ARFGAP1: variants seen among roughly 807,000 people sequenced by gnomAD.
ARFGAP1 encodes the protein ADP-ribosylation factor GTPase-activating protein 1.
ARFGAP1 carries 26 observed loss-of-function variants against 54.0 expected under a neutral mutation model. The ratio of observed to expected loss-of-function variants is 0.48; its 90% CI spans 0.35 to 0.67. ARFGAP1 has a LOEUF of 0.67. Among genes scored for constraint, ARFGAP1 ranks in the 30% least tolerant of loss-of-function variants. The pLI is 0.00. For synonymous variants in ARFGAP1, 248 were observed against 211.9 expected, an observed-to-expected ratio of 1.17 and a Z score of -1.48; for missense variants, 525 against 535.8, an observed-to-expected ratio of 0.98 and a Z score of 0.20.
chr20:63,274,796 C>T (rs548483522), intron 1 of ARFGAP1, among the ~76,000 whole-genome samples: 1 of 152,278 alleles, frequency 6.6e-6, no homozygotes, highest in East Asian at 1.9e-4. Context: ...TTTTCCTGGT[C>T]CTGAATTAGA....
rs952620515 is a variant in ARFGAP1 at position 63,276,880 on chromosome 20, G to A, written c.342+229G>A. 2 of 571,686 alleles carry A rather than the reference G, an allele frequency of 3.5e-6. No individual in the cohort carries two copies. Among genetic ancestry groups the A allele is most frequent in the African/African-American group, 1.9e-5 (1 of 53,546 alleles). 35.4% of individuals were successfully genotyped at this position (571,686 alleles called of 1,614,324 possible). On this transcript the variant is annotated intron_variant, in intron 4 of 12. Transcript: ENST00000370283. This position sits in a 1 kb window ranked among gnomAD's most constrained non-coding sequence, Gnocchi z 5.2. ...TTCCCCGCCTCCAGGGGAGAAAGCA[G>A]CTGTGACCGTTTATTGCCTCTGTGA...
chr20:63,288,912 C>T lies in ARFGAP1; in HGVS notation c.*1039C>T. The T allele has an allele frequency of 4.1e-6, 1 of 242,438 alleles. No individual in the cohort carries two copies. Among genetic ancestry groups the T allele is most frequent in the South Asian group, 5.4e-5 (1 of 18,442 alleles). 15.0% of individuals were successfully genotyped at this position (242,438 alleles called of 1,614,324 possible). A position where few individuals can be genotyped will look rare whatever the true frequency, so the allele number is the denominator to read the frequency against. Reference sequence around the variant, plus strand: ...CAGTTTGTACGTGAGGTGCTCTCCTCCCTGCCACCATGCTCATCACTCTGG... The same window carrying T: ...CAGTTTGTACGTGAGGTGCTCTCCTTCCTGCCACCATGCTCATCACTCTGG... On this transcript the variant is annotated 3_prime_UTR_variant, in exon 13 of 13. Transcript: ENST00000370283.
Position 63,272,880 on chromosome 20 carries a change from C to T in ARFGAP1, c.-45C>T, listed in dbSNP as rs1256066723. On this transcript the variant is annotated 5_prime_UTR_variant, in exon 1 of 13. Transcript: ENST00000370283. The stretch of plus-strand genomic sequence containing the variant: ...TGCAGTGCGGCGGCCCTACCTCGGC[C>T]CTGGCCTGACCCCGGCGGCCCTGCC... 6.6e-6 allele frequency: 1 copy of T among 152,262 alleles called. No individual in the cohort carries two copies. The highest frequency in any genetic ancestry group is 2.4e-5 in the African/African-American group (1 of 41,464). The allele number at this position is 152,262 out of a possible 1,614,324, so 9.4% of individuals were successfully genotyped here. A position where few individuals can be genotyped will look rare whatever the true frequency, so the allele number is the denominator to read the frequency against.
In ARFGAP1 at chr20:63,276,596, G is replaced by T. The variant is rs2067242848; in HGVS notation, c.287G>T (p.Cys96Phe). ...GAGTCTCAGGAGGATTACGATCCTT[G>T]CTGGTCCTTGCAGGAGAAGTACAAC... ...FLESQEDYDP[C>F]WSLQEKYNSR... Residue 96 changes from cysteine to phenylalanine, a missense_variant, in exon 4 of 13, where the codon TGC becomes TTC. Cys to Phe is a radical substitution (Grantham distance 205). Around this residue, in one of 3 missense-constraint regions of ARFGAP1, gnomAD observed 466 missense variants for 453.6 expected, o/e 1.03. Transcript: ENST00000370283. This position sits in a 1 kb window ranked among gnomAD's most constrained non-coding sequence, Gnocchi z 5.2. 1.9e-6 allele frequency: 3 copies of T among 1,613,964 alleles called. No homozygotes were observed. Among genetic ancestry groups the T allele is most frequent in the Admixed American group, 1.7e-5 (1 of 60,016 alleles).
At chr20:63,279,867 G>C (rs543917926) in intron 7 of ARFGAP1, among the ~76,000 whole-genome samples, 1 of 152,346 alleles carries the variant, frequency 6.6e-6, no homozygotes, top group Admixed American at 6.5e-5. Flanking sequence ...TTGTAGGTGT[G>C]ATGGCTCACG....
At chr20:63,275,077 G>A (rs1568728977) in intron 1 of ARFGAP1, among the ~76,000 whole-genome samples, 1 of 152,240 alleles carries the variant, frequency 6.6e-6, no homozygotes, top group Non-Finnish European at 1.5e-5. Context: ...GCACAGGCGG[G>A]AGCCTCCCTG....
In ARFGAP1 at chr20:63,288,389, G is replaced by C. The variant is rs546619815; in HGVS notation, c.*516G>C. ...GATACTGGCGCTCACGCTGCCATCC[G>C]ACCACCCTCGGCTCCCGAGTCCACG... On this transcript the variant is annotated 3_prime_UTR_variant, in exon 13 of 13. Coordinates refer to ENST00000370283, the MANE Select transcript of ARFGAP1 (RefSeq NM_018209.4). The C allele has an allele frequency of 1.3e-4, 59 of 456,304 alleles. No individual in the cohort carries two copies. Among genetic ancestry groups the C allele is most frequent in the Non-Finnish European group, 2.2e-4 (49 of 226,962 alleles). 28.3% of individuals were successfully genotyped at this position (456,304 alleles called of 1,614,324 possible). A position where few individuals can be genotyped will look rare whatever the true frequency, so the allele number is the denominator to read the frequency against.
At chr20:63,275,826 C>T (rs1240094013) in intron 2 of ARFGAP1, among the ~76,000 whole-genome samples, 186 bp downstream of exon 2, 4 of 152,218 alleles carry the variant, frequency 2.6e-5, no homozygotes, top group Non-Finnish European at 5.9e-5. Flanking sequence ...GGTGCCATTT[C>T]TGGCGCTCAT....
chr20:63,283,878 C>G (rs201741215), intron 9 of ARFGAP1: 1 of 1,613,754 alleles, frequency 6.2e-7, no homozygotes, highest in African/African-American at 1.3e-5. Flanking sequence ...GCAGCCGGAG[C>G]CGGTAAAGCC....
intron 9 of ARFGAP1, chr20:63,283,077 G>A: frequency 5.2e-6 from 3 of 580,858 alleles, no homozygotes; most frequent in Non-Finnish European, 6.1e-6. Context: ...CTCGTTTCCT[G>A]TTCACTGGTA....
chr20:63,284,757 C>A, intron 9 of ARFGAP1, 109 bp from the exon 10 acceptor site: 1 of 1,542,088 alleles, frequency 6.5e-7, no homozygotes, highest in Non-Finnish European at 8.7e-7. Context: ...TGCTGCCTTC[C>A]CTCCTGCTGG....
intron 12 of ARFGAP1, 52 bp from the exon 13 acceptor site, chr20:63,287,512 G>A (rs2067589968): frequency 1.3e-6 from 2 of 1,502,428 alleles, no homozygotes; most frequent in East Asian, 2.3e-5. Context: ...AGAATTCCCA[G>A]TGGTGGACTG....
At chr20:63,286,240 C>G (rs748445783) in intron 11 of ARFGAP1, 126 bp from the exon 12 acceptor site, 26 of 1,551,678 alleles carry the variant, frequency 1.7e-5, no homozygotes, top group East Asian at 7.3e-5. Flanking sequence ...CGAGGCACCC[C>G]TTGTTTCTGG....
At chr20:63,284,698 T>C in intron 9 of ARFGAP1, 168 bp from the exon 10 acceptor site, 1 of 1,453,364 alleles carries the variant, frequency 6.9e-7, no homozygotes, top group Non-Finnish European at 9.1e-7. Context: ...CTACTGCCCT[T>C]CGGGTGTTGT....
At chr20:63,286,751 C>A in intron 12 of ARFGAP1, 2 of 246,484 alleles carry the variant, frequency 8.1e-6, no homozygotes, top group Non-Finnish European at 1.6e-5. Flanking sequence ...CTGGGCTCCC[C>A]AGGCTAGGGT....
chr20:63,275,239 T>C (rs1392201065), intron 1 of ARFGAP1, among the ~76,000 whole-genome samples: 1 of 152,240 alleles, frequency 6.6e-6, no homozygotes, highest in African/African-American at 2.4e-5. Context: ...GACTACCCCT[T>C]GCTGTGGATT....
intron 6 of ARFGAP1, 47 bp downstream of exon 6, chr20:63,278,250 G>A (rs756124271): frequency 6.3e-7 from 1 of 1,593,594 alleles, no homozygotes; most frequent in South Asian, 1.1e-5. Flanking sequence ...CAGGCCCACA[G>A]GGTTCAGTCT....
intron 8 of ARFGAP1, among the ~76,000 whole-genome samples, chr20:63,282,339 G>A (rs563278369): frequency 3.9e-5 from 6 of 152,348 alleles, no homozygotes; most frequent in African/African-American, 9.6e-5. Context: ...AGAGTGTCAC[G>A]ACCGGGCCTT....
At chr20:63,273,558 A>G (rs1229993810) in intron 1 of ARFGAP1, 1 of 152,252 alleles carries the variant, frequency 6.6e-6, no homozygotes, top group Non-Finnish European at 1.5e-5. Flanking sequence ...ATTTCAGGGA[A>G]CTAGGGCTCT....
Sources: gnomAD v4.1 joint callset for allele counts (sites outside exome capture counted in the v4.1 genomes callset) on GRCh38, gnomAD v4.1.1 for gene constraint, gnomAD v4.1.1 regional missense constraint, Gnocchi (gnomAD v3.1) non-coding constraint, MANE v1.5 for transcripts, NCBI Gene and HGNC (gene_info 2026-07-23, HGNC 2026-07-21) for gene names.